XKR6: variants seen among roughly 807,000 people sequenced by gnomAD.
The protein encoded by XKR6 is XK related 6.
In XKR6, 22 loss-of-function variants were observed where a neutral mutation model predicts 56.7. That is an observed-to-expected ratio of 0.39 (90% confidence interval 0.28 to 0.55). The LOEUF is 0.55. XKR6 is among the 20% of genes least tolerant of loss of function. The pLI is 0.66. For synonymous variants in XKR6, 524 were observed against 387.8 expected (o/e 1.35, Z -4.13); for missense variants, 852 against 889.0 (o/e 0.96, Z 0.53).
rs1477767416 is a variant in XKR6 at position 10,952,367 on chromosome 8, TA to T, written c.765-27538del. Among the ~76,000 whole-genome samples, 8 of 152,354 alleles carry T rather than the reference TA, an allele frequency of 5.3e-5. No individual in the cohort carries two copies. The East Asian group carries it at 1.5e-3, about 29-fold the overall frequency. On this transcript the variant is annotated intron_variant, in intron 1 of 2. Coordinates refer to ENST00000416569, the MANE Select transcript of XKR6 (RefSeq NM_173683.4). Reference sequence around the variant, plus strand: ...CAGTCCATAAACCCCCAACAAACACTAATACAGTCAGTACGTCAGAACCTCT... The same window carrying T: ...CAGTCCATAAACCCCCAACAAACACTATACAGTCAGTACGTCAGAACCTCT...
At chr8:10,980,778 A>G (rs1161296523) in intron 1 of XKR6, among the ~76,000 whole-genome samples, 1 of 152,270 alleles carries the variant, frequency 6.6e-6, no homozygotes, top group East Asian at 1.9e-4. Flanking sequence ...TCTATATACC[A>G]CGGATTATGA....
chr8:11,023,081 T>C (rs1045301028), intron 1 of XKR6, among the ~76,000 whole-genome samples: 1 of 152,226 alleles, frequency 6.6e-6, no homozygotes, highest in Non-Finnish European at 1.5e-5. Flanking sequence ...AGTCGCAGAC[T>C]CTGATGTGCC....
intron 1 of XKR6, among the ~76,000 whole-genome samples, chr8:11,016,848 C>G (rs936151561): frequency 6.6e-6 from 1 of 152,348 alleles, no homozygotes; most frequent in South Asian, 2.1e-4. Flanking sequence ...TCTGTTTTTC[C>G]AGTTCCCTCC....
At chr8:11,106,213 G>A (rs1798670909) in intron 1 of XKR6, 1 of 152,290 alleles carries the variant, frequency 6.6e-6, no homozygotes, top group South Asian at 2.1e-4. Context: ...GCAGGTTCAT[G>A]TGGGACTGCA....
intron 1 of XKR6, among the ~76,000 whole-genome samples, chr8:11,091,920 A>G (rs1160854947): frequency 6.6e-6 from 1 of 152,198 alleles, no homozygotes; most frequent in East Asian, 1.9e-4. Context: ...TATTTGCTGA[A>G]TGAATGAAAA....
At chr8:10,956,953 T>C (rs1023811957) in intron 1 of XKR6, among the ~76,000 whole-genome samples, 1 of 152,124 alleles carries the variant, frequency 6.6e-6, no homozygotes, top group African/African-American at 2.4e-5. Flanking sequence ...TAACTCAGTA[T>C]TTTTTTCTTT....
intron 1 of XKR6, among the ~76,000 whole-genome samples, chr8:11,091,755 G>C (rs1798080652): frequency 6.6e-6 from 1 of 152,158 alleles, no homozygotes. Context: ...TTACCTGCAT[G>C]TGAAACTGAA....
intron 1 of XKR6, among the ~76,000 whole-genome samples, chr8:11,189,663 T>C (rs73198979): frequency 0.027 from 4,114 of 152,280 alleles, 78 homozygotes; most frequent in Non-Finnish European, 0.043. Context: ...AACTAACTCA[T>C]AGATATTGGC....
At chr8:10,922,735 T>C (rs1012989837) in intron 2 of XKR6, among the ~76,000 whole-genome samples, 1 of 152,212 alleles carries the variant, frequency 6.6e-6, no homozygotes, top group African/African-American at 2.4e-5. Flanking sequence ...ATCCTGAAGA[T>C]GGAGCATCAC....
chr8:11,110,080 C>T (rs573355523), intron 1 of XKR6, among the ~76,000 whole-genome samples: 2 of 152,186 alleles, frequency 1.3e-5, no homozygotes, highest in Admixed American at 6.5e-5. Flanking sequence ...TCAAGCAATT[C>T]TCCTGCCTTA....
chr8:11,121,591 T>G (rs1263259644), intron 1 of XKR6, among the ~76,000 whole-genome samples: 1 of 152,238 alleles, frequency 6.6e-6, no homozygotes, highest in Non-Finnish European at 1.5e-5. Flanking sequence ...TTGGTGGGAC[T>G]GTAAACTAGT....
intron 1 of XKR6, among the ~76,000 whole-genome samples, chr8:11,044,937 T>A (rs1033659081): frequency 4.0e-5 from 6 of 151,834 alleles, no homozygotes; most frequent in Middle Eastern, 3.2e-3. Context: ...ATTTTACAGA[T>A]GAGAAAATGA....
At chr8:11,146,428 C>A (rs1800986993) in intron 1 of XKR6, among the ~76,000 whole-genome samples, 1 of 152,174 alleles carries the variant, frequency 6.6e-6, no homozygotes, top group African/African-American at 2.4e-5. Context: ...GAGTTCAATA[C>A]CAGCTTGGGC....
intron 1 of XKR6, among the ~76,000 whole-genome samples, chr8:10,960,595 A>G (rs1445594343): frequency 6.6e-6 from 1 of 152,212 alleles, no homozygotes; most frequent in Non-Finnish European, 1.5e-5. Context: ...TTGATCCTCA[A>G]CACAGCCCAG....
intron 1 of XKR6, among the ~76,000 whole-genome samples, chr8:11,037,845 G>A (rs1454992667): frequency 6.9e-5 from 10 of 144,724 alleles, no homozygotes; most frequent in African/African-American, 1.6e-4. Flanking sequence ...ATGACAGAGC[G>A]AGACTTGGTT....
chr8:10,920,111 A>G (rs1184434225), intron 2 of XKR6, among the ~76,000 whole-genome samples: 1 of 152,126 alleles, frequency 6.6e-6, no homozygotes, highest in Non-Finnish European at 1.5e-5. Flanking sequence ...TCACCTATTA[A>G]AGTGGTAGTC....
chr8:11,191,196 C>G (rs1407913599), intron 1 of XKR6, among the ~76,000 whole-genome samples: 1 of 152,192 alleles, frequency 6.6e-6, no homozygotes, highest in Non-Finnish European at 1.5e-5. Flanking sequence ...ATTAATAGGA[C>G]AGCAGTGGCT....
chr8:10,989,159 T>C (rs2129139846), intron 1 of XKR6, among the ~76,000 whole-genome samples: 1 of 152,332 alleles, frequency 6.6e-6, no homozygotes, highest in Non-Finnish European at 1.5e-5. Flanking sequence ...AGCTGGGTGA[T>C]GCCTCACAGG....
At chr8:10,906,484 A>G (rs1460421389) in intron 2 of XKR6, among the ~76,000 whole-genome samples, 1 of 152,266 alleles carries the variant, frequency 6.6e-6, no homozygotes, top group African/African-American at 2.4e-5. Flanking sequence ...CAACAAAAAA[A>G]GCAATCTTCT....
Sources: allele counts gnomAD v4.1 joint callset (sites outside exome capture counted in the v4.1 genomes callset), GRCh38; gene constraint gnomAD v4.1.1; transcripts MANE v1.5; gene names NCBI Gene and HGNC (gene_info 2026-07-23, HGNC 2026-07-21).